The following TCF7L1 variants were observed in gnomAD, a reference collection of about 807,000 sequenced individuals.
TCF7L1 encodes transcription factor 7-like 1.
A neutral mutation model predicts 63.7 loss-of-function variants in TCF7L1; 18 were observed. The ratio of observed to expected loss-of-function variants is 0.28; its 90% CI spans 0.20 to 0.42. The LOEUF is 0.42. Ranked by LOEUF, TCF7L1 falls within the 10% of genes least tolerant of loss-of-function variation. The pLI, the probability that TCF7L1 is intolerant of heterozygous loss-of-function variation, is 1.00. For synonymous variants in TCF7L1, 355 were observed against 340.9 expected (o/e 1.04, Z -0.46); for missense variants, 654 against 779.3 (o/e 0.84, Z 1.91).
chr2:85,265,746 T>A (rs1680955052), intron 3 of TCF7L1, among the ~76,000 whole-genome samples: 1 of 151,990 alleles, frequency 6.6e-6, no homozygotes, highest in African/African-American at 2.4e-5. Context: ...GGCTGAAGAT[T>A]TGAATATAGA....
At chr2:85,137,663 C>T (rs1008476258) in intron 3 of TCF7L1, among the ~76,000 whole-genome samples, 1 of 152,116 alleles carries the variant, frequency 6.6e-6, no homozygotes, top group Non-Finnish European at 1.5e-5. Flanking sequence ...GAGGCCAAGG[C>T]GGGCGGATCA....
chr2:85,295,070 C>G (rs56191302), intron 4 of TCF7L1, among the ~76,000 whole-genome samples: 37,900 of 152,064 alleles, frequency 0.25, 6,071 homozygotes, highest in Non-Finnish European at 0.37. Context: ...CATAACTTCT[C>G]CATCTTCTTA....
At chr2:85,276,207 A>G (rs879533723) in intron 3 of TCF7L1, among the ~76,000 whole-genome samples, 2 of 152,286 alleles carry the variant, frequency 1.3e-5, no homozygotes, top group South Asian at 4.1e-4. Flanking sequence ...CTGTCTCCCT[A>G]TTCCTGAGTT....
intron 4 of TCF7L1, among the ~76,000 whole-genome samples, chr2:85,298,206 A>AAAAAAAAAAAAAAAT (rs1558660087): frequency 9.5e-5 from 14 of 147,246 alleles, no homozygotes; most frequent in Non-Finnish European, 1.6e-4. Context: ...AAAAAAAAAA[A>AAAAAAAAAAAAAAAT]GTGCAGGCCG....
Position 85,204,926 on chromosome 2 carries a change from G to A in TCF7L1, c.441+70476G>A, listed in dbSNP as rs1679367839. On this transcript the variant is annotated intron_variant, in intron 3 of 11. Coordinates refer to ENST00000282111, the MANE Select transcript of TCF7L1 (RefSeq NM_031283.3). ...TAGTCTATACACAGAAAACTACCTG[G>A]GGCTCTCTTTGACAGCACATAAACT... 2.0e-5 allele frequency: 3 copies of A among 150,856 alleles called. No individual in the cohort carries two copies. In the South Asian group the frequency reaches 6.3e-4, roughly 32 times the overall value. 9.3% of individuals were successfully genotyped at this position (150,856 alleles called of 1,614,324 possible).
intron 3 of TCF7L1, among the ~76,000 whole-genome samples, chr2:85,155,794 C>T (rs1006880061): frequency 1.3e-5 from 2 of 151,980 alleles, no homozygotes; most frequent in Non-Finnish European, 2.9e-5. Flanking sequence ...GCCAGTTACC[C>T]ACCAGGCCCG....
intron 3 of TCF7L1, among the ~76,000 whole-genome samples, chr2:85,241,431 GT>G (rs1273488175): frequency 1.5e-5 from 1 of 68,780 alleles, no homozygotes; most frequent in African/African-American, 5.2e-5. Context: ...GATGCACTTT[GT>G]TTTTGTTTTT....
At chr2:85,171,033 A>G (rs574951164) in intron 3 of TCF7L1, among the ~76,000 whole-genome samples, 74 of 152,138 alleles carry the variant, frequency 4.9e-4, no homozygotes, top group South Asian at 1.9e-3. Flanking sequence ...TGGGTAATTT[A>G]TAAAGAAAAA....
In TCF7L1 at chr2:85,304,273, C is replaced by T. The variant is rs1469438280; in HGVS notation, c.780C>T (p.Tyr260=). 6.2e-7 allele frequency: 1 copy of T among 1,614,028 alleles called. No individual in the cohort carries two copies. Among genetic ancestry groups the T allele is most frequent in the Non-Finnish European group, 8.5e-7 (1 of 1,179,958 alleles). The change falls in exon 7 of 12, where the codon TAC becomes TAT. Residue 260 remains tyrosine (Y), a synonymous_variant. Transcript: ENST00000282111. ...WLVPQQGQPM[Y]SLPPGGFRHP... ...CTCACAGGCAAGGCCAGCCCATGTA[C>T]TCCCTTCCTCCCGGTGGCTTCCGGC... is the stretch of plus-strand genomic sequence containing the variant.
intron 3 of TCF7L1, among the ~76,000 whole-genome samples, chr2:85,172,206 A>G (rs2104237225): frequency 6.6e-6 from 1 of 152,208 alleles, no homozygotes; most frequent in East Asian, 1.9e-4. Context: ...GCATCAGACA[A>G]TGATGTTAGG....
chr2:85,152,425 TTCTC>T (rs201051651), intron 3 of TCF7L1, among the ~76,000 whole-genome samples: 2 of 143,974 alleles, frequency 1.4e-5, no homozygotes, highest in Middle Eastern at 3.5e-3. Context: ...GGATATACCA[TTCTC>T]TCTCTCTCTT....
intron 3 of TCF7L1, among the ~76,000 whole-genome samples, chr2:85,203,743 GA>G (rs926053574): frequency 4.0e-5 from 5 of 126,172 alleles, no homozygotes; most frequent in South Asian, 2.5e-4. Flanking sequence ...AAAGAAAAAA[GA>G]AAAAAAAAGG....
At chr2:85,255,065 G>A (rs746032096) in intron 3 of TCF7L1, among the ~76,000 whole-genome samples, 3 of 152,134 alleles carry the variant, frequency 2.0e-5, no homozygotes, top group Non-Finnish European at 2.9e-5. Flanking sequence ...CAGAGAGATC[G>A]CCCTTCTGAT....
chr2:85,262,388 AAAAG>A, intron 3 of TCF7L1: 1 of 395,596 alleles, frequency 2.5e-6, no homozygotes, highest in African/African-American at 2.2e-5. Context: ...ACCGTCTCTT[AAAAG>A]AAAAAAAAAA....
intron 3 of TCF7L1, chr2:85,167,463 G>A (rs1014813631): frequency 3.3e-5 from 5 of 152,208 alleles, no homozygotes; most frequent in African/African-American, 1.2e-4. Flanking sequence ...ATTCACTGCA[G>A]CACTATTCAC....
chr2:85,255,428 T>G (rs1157180230), intron 3 of TCF7L1, among the ~76,000 whole-genome samples: 1 of 152,096 alleles, frequency 6.6e-6, no homozygotes, highest in African/African-American at 2.4e-5. Context: ...CACAAGGGAA[T>G]AGGAAAATGG....
chr2:85,281,179 A>G (rs1681410668), intron 3 of TCF7L1, among the ~76,000 whole-genome samples: 1 of 151,958 alleles, frequency 6.6e-6, no homozygotes, highest in Non-Finnish European at 1.5e-5. Flanking sequence ...ACACGCCACC[A>G]TGCCCAGCTA....
chr2:85,159,446 C>G (rs929572742), intron 3 of TCF7L1, among the ~76,000 whole-genome samples: 3 of 152,212 alleles, frequency 2.0e-5, no homozygotes, highest in African/African-American at 7.2e-5. Flanking sequence ...TCCGGCCTTA[C>G]CAAGTTGTGG....
intron 5 of TCF7L1, among the ~76,000 whole-genome samples, chr2:85,302,855 CA>C (rs1682016064): frequency 1.3e-5 from 2 of 152,116 alleles, no homozygotes; most frequent in Non-Finnish European, 2.9e-5. Flanking sequence ...TGCAGTAAAG[CA>C]CAGGGCCTGG....
Sources: allele counts gnomAD v4.1 joint callset (sites outside exome capture counted in the v4.1 genomes callset), GRCh38; gene constraint gnomAD v4.1.1; transcripts MANE v1.5; gene names NCBI Gene and HGNC (gene_info 2026-07-23, HGNC 2026-07-21).